TBC1D1: variants seen among roughly 807,000 people sequenced by gnomAD.
TBC1D1 encodes TBC1 domain family member 1, also known as TBC1 (tre-2/USP6, BUB2, cdc16) domain family, member 1.
A neutral mutation model predicts 125.6 loss-of-function variants in TBC1D1; 89 were observed. That is an observed-to-expected ratio of 0.71 (90% CI 0.60 to 0.85). The LOEUF (loss-of-function observed/expected upper bound fraction) is 0.85, where lower values mean the gene tolerates loss of function less well. TBC1D1 is among the 40% of genes least tolerant of loss of function. The pLI, the probability that TBC1D1 is intolerant of heterozygous loss-of-function variation, is 0.00. For missense variants in TBC1D1, 1,377 were observed against 1,469.2 expected (o/e 0.94, Z 1.03); for synonymous variants, 565 against 564.1 (o/e 1.00, Z -0.02).
At chr4:38,017,204 A>G (rs1434194562) in intron 3 of TBC1D1, among the ~76,000 whole-genome samples, 7 of 152,204 alleles carry the variant, frequency 4.6e-5, no homozygotes, top group Non-Finnish European at 1.0e-4. Flanking sequence ...AGTAAGGACT[A>G]TCTTCATTAT....
At chr4:38,005,403 T>C (rs957376928) in intron 2 of TBC1D1, among the ~76,000 whole-genome samples, 1 of 152,204 alleles carries the variant, frequency 6.6e-6, no homozygotes, top group African/African-American at 2.4e-5. Context: ...TTGTACATTA[T>C]GTGAGAATTA....
chr4:37,912,766 G>A (rs935564269), intron 2 of TBC1D1, among the ~76,000 whole-genome samples: 1 of 152,128 alleles, frequency 6.6e-6, no homozygotes, highest in Non-Finnish European at 1.5e-5. Flanking sequence ...ATCTTGGGAG[G>A]AGAGACTCAA....
At chr4:37,894,915 C>T (rs1423111658) in intron 1 of TBC1D1, among the ~76,000 whole-genome samples, 1 of 152,116 alleles carries the variant, frequency 6.6e-6, no homozygotes, top group Non-Finnish European at 1.5e-5. Flanking sequence ...GATTCAAATG[C>T]CACCTTCACA....
chr4:38,106,435 G>A (rs1255236502), intron 15 of TBC1D1, among the ~76,000 whole-genome samples: 2 of 152,214 alleles, frequency 1.3e-5, no homozygotes, highest in East Asian at 1.9e-4. Flanking sequence ...TGGAGCTGGG[G>A]CCCATTTGGC....
At chr4:38,052,188 T>TGTGTGTGTGTGC in intron 11 of TBC1D1, 128 bp downstream of exon 12, 1 of 603,220 alleles carries the variant, frequency 1.7e-6, no homozygotes, top group Non-Finnish European at 2.5e-6. Context: ...TGTGTGTGTG[T>TGTGTGTGTGTGC]GTGTGTGCGC....
intron 2 of TBC1D1, among the ~76,000 whole-genome samples, chr4:38,011,427 ACTTACAC>A (rs1393913640): frequency 6.6e-6 from 1 of 152,146 alleles, no homozygotes; most frequent in Non-Finnish European, 1.5e-5. Flanking sequence ...GGTTTTATAA[ACTTACAC>A]ACAGATAGAA....
At chr4:37,985,146 G>C in intron 2 of TBC1D1, among the ~76,000 whole-genome samples, 1 of 152,060 alleles carries the variant, frequency 6.6e-6, no homozygotes, top group African/African-American at 2.4e-5. Context: ...GTAGAGACGG[G>C]GTTTCACCAT....
chr4:38,052,736 A>G (rs748227410), intron 11 of TBC1D1, among the ~76,000 whole-genome samples: 4,864 of 109,462 alleles, frequency 0.044, 113 homozygotes, highest in Middle Eastern at 0.079. Context: ...GCGCACACAC[A>G]CACACACACA....
At chr4:38,044,228 A>G in intron 8 of TBC1D1, 134 bp from the exon 9 acceptor site, 2 of 924,488 alleles carry the variant, frequency 2.2e-6, no homozygotes, top group South Asian at 4.4e-5. Flanking sequence ...GTCACTAAGG[A>G]GCAGATGAGG....
rs1324075518 is a variant in TBC1D1 at position 38,121,560 on chromosome 4, GAA to G, written c.2962+3370_2962+3371del. The stretch of plus-strand genomic sequence containing the variant: ...GAAGAGGCAGGAGAAAAGTCCCACT[GAA>G]AGGACGTGGGCTACAGTGTAGTGAG... On this transcript the variant is annotated intron_variant, in intron 17 of 19. Coordinates refer to ENST00000261439, the MANE Select transcript of TBC1D1 (RefSeq NM_015173.4). 2.0e-5 allele frequency among the ~76,000 whole-genome samples: 3 copies of G among 152,344 alleles called. No individual in the cohort carries two copies. The South Asian group carries it at 6.2e-4, about 32-fold the overall frequency.
chr4:38,013,158 C>T (rs140172174), intron 2 of TBC1D1, among the ~76,000 whole-genome samples: 415 of 152,196 alleles, frequency 2.7e-3, no homozygotes, highest in Non-Finnish European at 5.2e-3. Flanking sequence ...GTAAAACTTT[C>T]CTAAAGATCT....
chr4:38,091,422 A>G (rs1193291987), intron 13 of TBC1D1, among the ~76,000 whole-genome samples: 1 of 152,170 alleles, frequency 6.6e-6, no homozygotes. Flanking sequence ...TGTGAAGGTA[A>G]TTTTAAAAGC....
intron 6 of TBC1D1, among the ~76,000 whole-genome samples, chr4:38,026,837 C>T (rs1401916225): frequency 6.6e-6 from 1 of 152,080 alleles, no homozygotes; most frequent in African/African-American, 2.4e-5. Flanking sequence ...ATAACTTTTC[C>T]TCAAAACTCT....
intron 10 of TBC1D1, among the ~76,000 whole-genome samples, 197 bp downstream of exon 10, chr4:38,046,100 C>T (rs1163915753): frequency 1.3e-5 from 2 of 152,138 alleles, no homozygotes; most frequent in African/African-American, 4.8e-5. Context: ...TGCAGTGGCT[C>T]AACGCCTGTA....
chr4:37,926,681 A>G (rs1722192106), intron 2 of TBC1D1, among the ~76,000 whole-genome samples: 1 of 152,200 alleles, frequency 6.6e-6, no homozygotes, highest in African/African-American at 2.4e-5. Context: ...CCCCATGGAA[A>G]GGCTACTTGG....
At position 38,014,554 on chromosome 4, in the gene TBC1D1, C is replaced by T. The variant is rs771725288; in HGVS notation, c.463C>T (p.Arg155Trp). ...CATCCGTCAGGCGGGGAAGATCGCC[C>T]GGCAGGAGGAGCTGCACTGCCCGTC... is the stretch of plus-strand genomic sequence containing the variant. The change falls in exon 3 of 20, where the codon CGG (arginine) becomes TGG (tryptophan). Residue 155 changes from arginine (R) to tryptophan (W), a missense_variant. By Grantham distance (101) the Arg-to-Trp change is moderately radical. This residue lies in a region of TBC1D1 where 822 missense variants were observed against 824.6 expected (regional missense o/e 1.00). Transcript: ENST00000261439. This position sits in a 1 kb window ranked among gnomAD's most constrained non-coding sequence, Gnocchi z 5.1. 3 of 1,613,302 alleles carry T rather than the reference C, an allele frequency of 1.9e-6. No individual in the cohort carries two copies. Among genetic ancestry groups the T allele is most frequent in the Non-Finnish European group, 1.7e-6 (2 of 1,180,020 alleles).
At chr4:37,965,074 T>C (rs1730819731) in intron 2 of TBC1D1, among the ~76,000 whole-genome samples, 1 of 152,250 alleles carries the variant, frequency 6.6e-6, no homozygotes, top group African/African-American at 2.4e-5. Flanking sequence ...AGGCCTTTGG[T>C]GAATTATTTT....
At chr4:37,910,631 A>G (rs1560466435) in intron 2 of TBC1D1, among the ~76,000 whole-genome samples, 1 of 152,126 alleles carries the variant, frequency 6.6e-6, no homozygotes, top group African/African-American at 2.4e-5. Context: ...GAGTAGAATG[A>G]TGGTTACCAG....
chr4:37,976,768 G>A (rs1021708273), intron 2 of TBC1D1, among the ~76,000 whole-genome samples: 1 of 152,116 alleles, frequency 6.6e-6, no homozygotes, highest in African/African-American at 2.4e-5. Context: ...AGAAAACTAT[G>A]GTGAAATCAA....
Sources: gnomAD v4.1 joint callset for allele counts (sites outside exome capture counted in the v4.1 genomes callset) on GRCh38, gnomAD v4.1.1 for gene constraint, gnomAD v4.1.1 regional missense constraint, Gnocchi (gnomAD v3.1) non-coding constraint, MANE v1.5 for transcripts, NCBI Gene and HGNC (gene_info 2026-07-23, HGNC 2026-07-21) for gene names.